SSR3: variants seen among roughly 807,000 people sequenced by gnomAD.
SSR3 encodes signal sequence receptor subunit 3, also known as translocon-associated protein subunit gamma.
SSR3 carries 10 observed loss-of-function variants against 22.1 expected under a neutral mutation model. The ratio of observed to expected loss-of-function variants is 0.45; its 90% CI spans 0.28 to 0.77. The LOEUF (loss-of-function observed/expected upper bound fraction) is 0.77, where lower values mean the gene tolerates loss of function less well. Ranked by LOEUF, SSR3 falls within the 30% of genes least tolerant of loss-of-function variation. SSR3 has a pLI of 0.13. For synonymous variants in SSR3, 104 were observed against 82.5 expected, an observed-to-expected ratio of 1.26 and a Z score of -1.42; for missense variants, 181 against 220.5, an observed-to-expected ratio of 0.82 and a Z score of 1.13.
chr3:156,550,577 C>A (rs958698885), intron 2 of SSR3, among the ~76,000 whole-genome samples: 1 of 152,130 alleles, frequency 6.6e-6, no homozygotes, highest in Admixed American at 6.5e-5. Flanking sequence ...ATAGAGGTCA[C>A]GCTAGTGACC....
At chr3:156,547,578 C>T (rs1156745030) in intron 3 of SSR3, among the ~76,000 whole-genome samples, 1 of 152,118 alleles carries the variant, frequency 6.6e-6, no homozygotes, top group African/African-American at 2.4e-5. Context: ...GCTATGCAGC[C>T]CGACCTCATT....
rs79091535 is a variant in SSR3, at chr3:156,549,591, T to C, written c.261-588A>G. ...TCTTCAACTACAAGGGTGTCTGGGA[T>C]ACAAGTTAAGCACAAATTGCAACTG... On this transcript the variant is annotated intron_variant, in intron 2 of 4. Coordinates refer to ENST00000265044, the MANE Select transcript of SSR3 (RefSeq NM_007107.5). 3.9e-3 allele frequency among the ~76,000 whole-genome samples: 597 copies of C among 152,316 alleles called. 4 individuals are homozygous for C. Among genetic ancestry groups the C allele is most frequent in the African/African-American group, 0.014 (575 of 41,566 alleles).
chr3:156,548,733 G>C, intron 3 of SSR3, 172 bp downstream of exon 3: 1 of 741,696 alleles, frequency 1.3e-6, no homozygotes, highest in Non-Finnish European at 2.1e-6. Flanking sequence ...AAAGTATCTG[G>C]TTGTAATAAA....
chr3:156,548,774 TTACTAC>T (rs144621829), intron 3 of SSR3, 125 bp downstream of exon 3: 1 of 1,089,316 alleles, frequency 9.2e-7, no homozygotes, highest in South Asian at 1.6e-5. Flanking sequence ...ACTATTTCCA[TTACTAC>T]TACTACTACA....
chr3:156,553,631 C>A (rs189124587), intron 2 of SSR3, 24 bp downstream of exon 2: 1 of 1,606,826 alleles, frequency 6.2e-7, no homozygotes, highest in African/African-American at 1.3e-5. Flanking sequence ...GTAGTACGTA[C>A]TTTCACTTGA....
chr3:156,549,832 A>T (rs763167703), intron 2 of SSR3, among the ~76,000 whole-genome samples: 4 of 152,198 alleles, frequency 2.6e-5, no homozygotes, highest in African/African-American at 4.8e-5. Context: ...ACAAAACAAA[A>T]CACACACAAT....
rs1026480905 is a variant in SSR3 at position 156,553,882 on chromosome 3, A to G, written c.134-101T>C. The G allele has an allele frequency of 6.5e-6, 8 of 1,226,994 alleles. No homozygotes were observed. The African/African-American group carries it at 1.2e-4, about 19-fold the overall frequency. 76.0% of individuals were successfully genotyped at this position (1,226,994 alleles called of 1,614,324 possible). On this transcript the variant is annotated intron_variant, in intron 1 of 4. Transcript: ENST00000265044. ...TAATTATAGCTAAGCCTGGTAAAAT[A>G]CCAGGTTATTAGTTATGCAATCCAA... is the stretch of plus-strand genomic sequence containing the variant.
intron 3 of SSR3, 109 bp from the exon 4 acceptor site, chr3:156,544,548 T>C: frequency 5.9e-6 from 5 of 850,778 alleles, no homozygotes; most frequent in Non-Finnish European, 8.3e-6. Flanking sequence ...TTGAGTGTTC[T>C]AGGGTAAGAA....
intron 4 of SSR3, 151 bp downstream of exon 4, chr3:156,544,157 A>T (rs1719671534): frequency 3.8e-6 from 2 of 521,730 alleles, no homozygotes; most frequent in Non-Finnish European, 6.3e-6. Context: ...GTTATTTTAA[A>T]TGTCCAGAAA....
rs772859737 is a variant in SSR3, at chr3:156,548,950, G to T, written c.314C>A (p.Ser105Tyr). ...AGACATCTTTCTATTATCAGCTTCA[G>T]AAAGTTTTCGAGTCACTTCTTTGGA... ...AVSKEVTRKL[S>Y]EADNRKMSRK... Residue 105 changes from serine (S) to tyrosine (Y), a missense_variant, in exon 3 of 5, where the codon TCT (serine) becomes TAT (tyrosine). Ser to Tyr is a moderately radical substitution (Grantham distance 144). Coordinates refer to ENST00000265044, the MANE Select transcript of SSR3 (RefSeq NM_007107.5). The T allele has an allele frequency of 3.7e-6, 6 of 1,613,360 alleles. No individual in the cohort carries two copies. In the South Asian group the frequency reaches 6.6e-5, roughly 18 times the overall value.
chr3:156,541,260 A>G lies in SSR3; in HGVS notation c.*1943T>C, dbSNP rs976889570. The G allele has an allele frequency of 6.6e-6, 1 of 152,214 alleles. No individual in the cohort carries two copies. Among genetic ancestry groups the G allele is most frequent in the African/African-American group, 2.4e-5 (1 of 41,452 alleles). 9.4% of individuals were successfully genotyped at this position (152,214 alleles called of 1,614,324 possible). A position where few individuals can be genotyped will look rare whatever the true frequency, so the allele number is the denominator to read the frequency against. On this transcript the variant is annotated 3_prime_UTR_variant, in exon 5 of 5. Coordinates refer to ENST00000265044, the MANE Select transcript of SSR3 (RefSeq NM_007107.5). ...CATCTAGTGGCAAGTTTTCACCAGC[A>G]ATTTTAAAAGATAGTGGCCCAACTC...
rs1719431198 is a variant in SSR3, at chr3:156,540,630, A to G, written c.*2573T>C. On this transcript the variant is annotated 3_prime_UTR_variant, in exon 5 of 5. Coordinates refer to ENST00000265044, the MANE Select transcript of SSR3 (RefSeq NM_007107.5). Reference sequence around the variant, plus strand: ...CAAAAAAAAAAAAAAAAAAAAAAGAATATCAATCCAAGATTTTTATTAAGT... The same window carrying G: ...CAAAAAAAAAAAAAAAAAAAAAAGAGTATCAATCCAAGATTTTTATTAAGT... 1.3e-5 allele frequency: 2 copies of G among 149,588 alleles called. No homozygotes were observed. Among genetic ancestry groups the G allele is most frequent in the Admixed American group, 6.7e-5 (1 of 14,990 alleles). The allele number at this position is 149,588 out of a possible 1,614,324, so 9.3% of individuals were successfully genotyped here.
At chr3:156,554,065 G>C in intron 1 of SSR3, 1 of 254,162 alleles carries the variant, frequency 3.9e-6, no homozygotes, top group Non-Finnish European at 7.5e-6. Flanking sequence ...GTAATCACAA[G>C]TCAGACTTCA....
At chr3:156,549,556 T>G (rs1719877522) in intron 2 of SSR3, among the ~76,000 whole-genome samples, 2 of 152,320 alleles carry the variant, frequency 1.3e-5, no homozygotes, top group East Asian at 3.9e-4. Flanking sequence ...GCAGGAGTTT[T>G]CAATCTTGAT....
At chr3:156,544,755 T>C (rs1371512318) in intron 3 of SSR3, among the ~76,000 whole-genome samples, 1 of 152,208 alleles carries the variant, frequency 6.6e-6, no homozygotes, top group East Asian at 1.9e-4. Flanking sequence ...TATCTTTCTC[T>C]TGGCCCTTAC....
At position 156,554,973 on chromosome 3, in the gene SSR3, C is replaced by G. The variant is rs1254761024; in HGVS notation, c.117G>C (p.Val39=). The stretch of plus-strand genomic sequence containing the variant: ...AGCACTCACAGATGGGGATGGCAGA[C>G]ACGATGAACGCGTTTCCGAAGAAGA... ...SALFFGNAFI[V]SAIPIWLYWR... The change falls in exon 1 of 5, where the codon GTG becomes GTC. Residue 39 remains valine (V), a synonymous_variant. Transcript: ENST00000265044. 6.2e-7 allele frequency: 1 copy of G among 1,613,896 alleles called. No individual in the cohort carries two copies. The highest frequency in any genetic ancestry group is 1.1e-5 in the South Asian group (1 of 91,072).
chr3:156,548,214 A>T (rs1170410341), intron 3 of SSR3, among the ~76,000 whole-genome samples: 1 of 152,204 alleles, frequency 6.6e-6, no homozygotes, highest in Non-Finnish European at 1.5e-5. Context: ...TCTGCTACTC[A>T]GATGTTAAGA....
At chr3:156,549,249 T>C (rs1719867764) in intron 2 of SSR3, 2 of 392,968 alleles carry the variant, frequency 5.1e-6, no homozygotes, top group Admixed American at 4.1e-5. Flanking sequence ...AAGAAGAATT[T>C]TCCACAGTTT....
At chr3:156,554,712 G>A in intron 1 of SSR3, 1 of 521,696 alleles carries the variant, frequency 1.9e-6, no homozygotes, top group Non-Finnish European at 3.4e-6. Flanking sequence ...CCTTCTCCTG[G>A]GGTGGAGCTC....
Sources: allele counts gnomAD v4.1 joint callset (sites outside exome capture counted in the v4.1 genomes callset), GRCh38; gene constraint gnomAD v4.1.1; transcripts MANE v1.5; gene names NCBI Gene and HGNC (gene_info 2026-07-23, HGNC 2026-07-21).